The following GFRA1 variants were observed in gnomAD, a reference collection of about 807,000 sequenced individuals.
GFRA1 encodes the protein GDNF family receptor alpha 1.
In GFRA1, 16 loss-of-function variants were observed where a neutral mutation model predicts 51.6. The ratio of observed to expected loss-of-function variants is 0.31; its 90% confidence interval spans 0.21 to 0.47. The LOEUF (loss-of-function observed/expected upper bound fraction) is 0.47. Ranked by LOEUF, GFRA1 falls within the 20% of genes least tolerant of loss-of-function variation. The probability of loss-of-function intolerance (pLI) is 1.00; values close to 1 mark genes in which losing one functional copy is unlikely to be tolerated. For missense variants in GFRA1, 530 were observed against 594.3 expected (o/e 0.89, Z 1.13); for synonymous variants, 270 against 241.3 (o/e 1.12, Z -1.10).
At chr10:116,249,138 T>G (rs1368872514) in intron 4 of GFRA1, among the ~76,000 whole-genome samples, 1 of 152,192 alleles carries the variant, frequency 6.6e-6, no homozygotes, top group Non-Finnish European at 1.5e-5. Context: ...ATCATCTGCT[T>G]CTCTTTGGGA....
chr10:116,119,613 C>T (rs920437781), intron 6 of GFRA1, among the ~76,000 whole-genome samples: 18 of 152,172 alleles, frequency 1.2e-4, no homozygotes, highest in South Asian at 2.1e-4. Context: ...TTTTCTCCTG[C>T]GCTTGCTGCA....
At chr10:116,183,412 TC>T (rs1962416762) in intron 5 of GFRA1, among the ~76,000 whole-genome samples, 1 of 152,172 alleles carries the variant, frequency 6.6e-6, no homozygotes, top group Non-Finnish European at 1.5e-5. Flanking sequence ...CTCTATTATA[TC>T]CATTCCATGG....
chr10:116,064,842 A>C (rs1955022328), intron 10 of GFRA1, among the ~76,000 whole-genome samples: 1 of 152,184 alleles, frequency 6.6e-6, no homozygotes, highest in East Asian at 1.9e-4. Context: ...TACCCCTGTC[A>C]TTCTTTGTCC....
chr10:116,101,764 G>C (rs1956824119), intron 6 of GFRA1, among the ~76,000 whole-genome samples: 1 of 152,084 alleles, frequency 6.6e-6, no homozygotes, highest in Admixed American at 6.6e-5. Flanking sequence ...TTGGACATAA[G>C]ACACGTGGTT....
At position 116,256,944 on chromosome 10, in the gene GFRA1, C is replaced by A. The variant is rs934934742; in HGVS notation, c.418+12559G>T. Among the ~76,000 whole-genome samples the A allele has an allele frequency of 4.1e-5, 6 of 145,342 alleles. No homozygotes were observed. In the Admixed American group the frequency reaches 4.2e-4, roughly 10 times the overall value. On this transcript the variant is annotated intron_variant, in intron 4 of 10. Coordinates refer to ENST00000355422, the MANE Select transcript of GFRA1 (RefSeq NM_005264.8). The stretch of plus-strand genomic sequence containing the variant: ...CTGCCTAGGGAGCCAGGCACCCACA[C>A]CTGAGCCACTGCTCCCAAGCGAGAG...
At chr10:116,211,832 C>G (rs1345412354) in intron 4 of GFRA1, among the ~76,000 whole-genome samples, 187 bp from the exon 5 acceptor site, 2 of 152,208 alleles carry the variant, frequency 1.3e-5, no homozygotes, top group Non-Finnish European at 2.9e-5. Flanking sequence ...AGGCTGCTTG[C>G]ATTTCAATCC....
intron 4 of GFRA1, among the ~76,000 whole-genome samples, chr10:116,223,512 T>C (rs948629839): frequency 5.3e-5 from 8 of 152,180 alleles, no homozygotes; most frequent in Non-Finnish European, 1.2e-4. Context: ...CTCTCCATCG[T>C]CCCATGTCAT....
chr10:116,103,752 A>G (rs1956901426), intron 6 of GFRA1, among the ~76,000 whole-genome samples: 1 of 152,212 alleles, frequency 6.6e-6, no homozygotes, highest in Admixed American at 6.5e-5. Flanking sequence ...TAGTGACACA[A>G]AACAGATTTT....
chr10:116,271,613 A>C (rs1038547548), intron 2 of GFRA1, among the ~76,000 whole-genome samples: 1 of 152,182 alleles, frequency 6.6e-6, no homozygotes, highest in East Asian at 2.0e-4. Flanking sequence ...TACTCGGGAA[A>C]AACTTTTCTC....
chr10:116,258,955 AT>A (rs1294558886), intron 4 of GFRA1, among the ~76,000 whole-genome samples: 1 of 152,182 alleles, frequency 6.6e-6, no homozygotes, highest in Non-Finnish European at 1.5e-5. Flanking sequence ...GCCACTTGCC[AT>A]TCCCAAGCTA....
intron 5 of GFRA1, among the ~76,000 whole-genome samples, chr10:116,195,626 G>A (rs935178189): frequency 1.3e-5 from 2 of 152,208 alleles, no homozygotes; most frequent in African/African-American, 4.8e-5. Flanking sequence ...ACCTCCTGCT[G>A]CGCAGCCTGG....
chr10:116,095,531 A>G (rs1956534129), intron 7 of GFRA1, among the ~76,000 whole-genome samples: 1 of 152,136 alleles, frequency 6.6e-6, no homozygotes, highest in African/African-American at 2.4e-5. Flanking sequence ...AGGAAGGTAC[A>G]CTCATTGGCC....
intron 5 of GFRA1, among the ~76,000 whole-genome samples, chr10:116,159,058 T>C (rs1959467993): frequency 6.6e-6 from 1 of 152,220 alleles, no homozygotes; most frequent in Admixed American, 6.5e-5. Context: ...CCACATTTTT[T>C]TTAAAAAGTG....
At chr10:116,105,691 C>T (rs1956980018) in intron 6 of GFRA1, among the ~76,000 whole-genome samples, 1 of 152,200 alleles carries the variant, frequency 6.6e-6, no homozygotes. Flanking sequence ...ATGCCCCTGG[C>T]TGGATGAAAA....
intron 5 of GFRA1, among the ~76,000 whole-genome samples, chr10:116,198,774 G>C (rs557196278): frequency 1.3e-5 from 2 of 152,144 alleles, no homozygotes; most frequent in Non-Finnish European, 2.9e-5. Context: ...AGGTTGGCTG[G>C]TCATCCATCT....
chr10:116,232,289 C>G (rs1300342985), intron 4 of GFRA1, among the ~76,000 whole-genome samples: 4 of 152,206 alleles, frequency 2.6e-5, no homozygotes, highest in Non-Finnish European at 5.9e-5. Flanking sequence ...AGGGTGTAAT[C>G]TGGCATCCCT....
intron 4 of GFRA1, among the ~76,000 whole-genome samples, chr10:116,215,980 AGAAG>A (rs1425310370): frequency 6.6e-6 from 1 of 152,142 alleles, no homozygotes; most frequent in Non-Finnish European, 1.5e-5. Flanking sequence ...AAAATAAGAA[AGAAG>A]GAACTCAGAT....
chr10:116,065,865 T>C (rs897713820), intron 9 of GFRA1, among the ~76,000 whole-genome samples: 1 of 152,186 alleles, frequency 6.6e-6, no homozygotes, highest in African/African-American at 2.4e-5. Flanking sequence ...GTACTCAATA[T>C]TAATAAGATA....
intron 5 of GFRA1, among the ~76,000 whole-genome samples, chr10:116,203,862 T>A (rs1183355885): frequency 6.6e-6 from 1 of 152,250 alleles, no homozygotes; most frequent in Non-Finnish European, 1.5e-5. Context: ...CTGGCTTGCC[T>A]ACGCTATGGG....
Sources: allele counts gnomAD v4.1 joint callset (sites outside exome capture counted in the v4.1 genomes callset), GRCh38; gene constraint gnomAD v4.1.1; transcripts MANE v1.5; gene names NCBI Gene and HGNC (gene_info 2026-07-23, HGNC 2026-07-21).